Variants in CHP1 observed in about 807,000 individuals in gnomAD.
CHP1 encodes calcineurin like EF-hand protein 1.
Under a neutral mutation model 27.4 loss-of-function variants are expected in CHP1, and 11 were observed. The ratio of observed to expected loss-of-function variants is 0.40; its 90% confidence interval spans 0.25 to 0.67. CHP1 has a LOEUF of 0.67. Ranked by LOEUF, CHP1 falls within the 30% of genes least tolerant of loss-of-function variation. The probability of loss-of-function intolerance (pLI) is 0.38; values close to 1 mark genes in which losing one functional copy is unlikely to be tolerated. For synonymous variants in CHP1, 89 were observed against 87.4 expected (o/e 1.02, Z -0.10); for missense variants, 169 against 251.3 (o/e 0.67, Z 2.22).
intron 4 of CHP1, among the ~76,000 whole-genome samples, chr15:41,269,944 T>G (rs573427968): frequency 3.3e-5 from 5 of 152,274 alleles, no homozygotes; most frequent in African/African-American, 1.2e-4. Flanking sequence ...GCTTTCTGAT[T>G]CCTATCTCAT....
intron 4 of CHP1, among the ~76,000 whole-genome samples, chr15:41,270,287 C>A (rs900502536): frequency 6.6e-6 from 1 of 151,820 alleles, no homozygotes; most frequent in African/African-American, 2.4e-5. Flanking sequence ...GTTTAACATT[C>A]TAGGTTAAGA....
intron 2 of CHP1, among the ~76,000 whole-genome samples, chr15:41,248,664 G>C (rs1163292164): frequency 2.6e-5 from 4 of 152,144 alleles, no homozygotes; most frequent in Non-Finnish European, 5.9e-5. Context: ...TGTAATCCCA[G>C]CACTTTGGGA....
intron 5 of CHP1, among the ~76,000 whole-genome samples, chr15:41,276,684 T>C (rs568065376): frequency 6.6e-6 from 1 of 152,324 alleles, no homozygotes; most frequent in African/African-American, 2.4e-5. Context: ...CATTTAACTC[T>C]TCAAGGATTT....
At chr15:41,256,851 TAAG>T in intron 2 of CHP1, 56 bp from the exon 3 acceptor site, 2 of 1,403,252 alleles carry the variant, frequency 1.4e-6, no homozygotes, top group Non-Finnish European at 2.0e-6. Context: ...CCTCCTGACT[TAAG>T]GAGTTCATGC....
intron 6 of CHP1, 61 bp from the exon 7 acceptor site, chr15:41,279,275 A>G: frequency 1.5e-6 from 2 of 1,319,958 alleles, no homozygotes; most frequent in Non-Finnish European, 2.2e-6. Context: ...TACTCAGATA[A>G]GAGCTTGGGA....
chr15:41,244,059 G>A (rs1255915702), intron 2 of CHP1, among the ~76,000 whole-genome samples: 1 of 152,014 alleles, frequency 6.6e-6, no homozygotes, highest in African/African-American at 2.4e-5. Flanking sequence ...TTAGCTCAGT[G>A]TGGTGGTAGG....
rs562539144 is a variant in CHP1 at position 41,231,314 on chromosome 15, C to T, written c.-69C>T. 2.6e-5 allele frequency: 38 copies of T among 1,449,294 alleles called. No individual in the cohort carries two copies. In the East Asian group the frequency reaches 7.6e-4, roughly 29 times the overall value. 89.8% of individuals were successfully genotyped at this position (1,449,294 alleles called of 1,614,324 possible). On this transcript the variant is annotated 5_prime_UTR_variant, in exon 1 of 7. Transcript: ENST00000334660. ...CTTCTTGACCCCTAGCCCTTCCTTC[C>T]CTCCCTCCTTCCCTCCTGTCGCCGT...
rs2047537468 is a variant in CHP1 at position 41,279,961 on chromosome 15, G to A, written c.*572G>A. The A allele has an allele frequency of 6.6e-6, 1 of 152,302 alleles. No homozygotes were observed. Among genetic ancestry groups the A allele is most frequent in the African/African-American group, 2.4e-5 (1 of 41,420 alleles). 9.4% of individuals were successfully genotyped at this position (152,302 alleles called of 1,614,324 possible). ...TCTGACTTGGCAGGATAGTTCAGGG[G>A]TCTGGCAGTTTTTATTTACCTTCAT... On this transcript the variant is annotated 3_prime_UTR_variant, in exon 7 of 7. Transcript: ENST00000334660.
At chr15:41,234,148 C>G (rs553611070) in intron 1 of CHP1, 8 of 152,168 alleles carry the variant, frequency 5.3e-5, no homozygotes, top group African/African-American at 1.9e-4. Flanking sequence ...GAGATGGAGT[C>G]TTGTTATTTT....
In CHP1 at chr15:41,279,594, T is replaced by G; in HGVS notation, c.*205T>G. ...TACAGAATGGTACACCCTATATATT[T>G]CTGTTCAGTATCCATTCACTAGTTC... On this transcript the variant is annotated 3_prime_UTR_variant, in exon 7 of 7. Transcript: ENST00000334660. The G allele has an allele frequency of 1.9e-6, 1 of 532,282 alleles. No homozygotes were observed. Among genetic ancestry groups the G allele is most frequent in the Middle Eastern group, 4.9e-4 (1 of 2,022 alleles). 33.0% of individuals were successfully genotyped at this position (532,282 alleles called of 1,614,324 possible).
At chr15:41,237,544 A>C (rs117588488) in intron 1 of CHP1, among the ~76,000 whole-genome samples, 2 of 152,194 alleles carry the variant, frequency 1.3e-5, no homozygotes, top group East Asian at 3.8e-4. Flanking sequence ...TCCCTAAGAG[A>C]CTAGTCCAGG....
rs992536098 is a variant in CHP1 at position 41,281,385 on chromosome 15, T to C, written c.*1996T>C. On this transcript the variant is annotated 3_prime_UTR_variant, in exon 7 of 7. Transcript: ENST00000334660. ...GATCTTTGAGCGAGCCACAGCAACTTTTCTGCCAAGTCAGCTTAGTTTAGA... is the reference window on the plus strand; with the variant it reads ...GATCTTTGAGCGAGCCACAGCAACTCTTCTGCCAAGTCAGCTTAGTTTAGA... The C allele has an allele frequency of 2.0e-5, 3 of 152,660 alleles. No individual in the cohort carries two copies. Among genetic ancestry groups the C allele is most frequent in the Non-Finnish European group, 2.9e-5 (2 of 68,058 alleles). The allele number at this position is 152,660 out of a possible 1,614,324, so 9.5% of individuals were successfully genotyped here. A position where few individuals can be genotyped will look rare whatever the true frequency, so the allele number is the denominator to read the frequency against.
In CHP1 at chr15:41,231,270, T is replaced by C. The variant is rs1197968116; in HGVS notation, c.-113T>C. The stretch of plus-strand genomic sequence containing the variant: ...CCTGGGTTCCCTCCCGGGTCCGCAG[T>C]GGAAACACTGCCCTCTCCCTTCTTG... On this transcript the variant is annotated 5_prime_UTR_variant, in exon 1 of 7. Transcript: ENST00000334660. 5 of 1,098,550 alleles carry C rather than the reference T, an allele frequency of 4.6e-6. No individual in the cohort carries two copies. The African/African-American group carries it at 7.8e-5, about 17-fold the overall frequency. The allele number at this position is 1,098,550 out of a possible 1,614,324, so 68.1% of individuals were successfully genotyped here.
intron 3 of CHP1, among the ~76,000 whole-genome samples, chr15:41,259,726 C>T (rs961280063): frequency 4.6e-5 from 7 of 152,104 alleles, no homozygotes; most frequent in African/African-American, 1.2e-4. Context: ...ATAGATACAT[C>T]GAAGAACTAA....
At chr15:41,261,625 G>A (rs890488192) in intron 3 of CHP1, among the ~76,000 whole-genome samples, 24 of 151,662 alleles carry the variant, frequency 1.6e-4, no homozygotes, top group Admixed American at 7.2e-4. Context: ...TTGGGAGGCC[G>A]AGGTGGGCAG....
intron 4 of CHP1, among the ~76,000 whole-genome samples, chr15:41,265,841 G>A (rs2047457484): frequency 6.6e-6 from 1 of 152,150 alleles, no homozygotes; most frequent in Non-Finnish European, 1.5e-5. Flanking sequence ...TCTAAGCCAC[G>A]GTGAGAGAAT....
chr15:41,260,492 T>C (rs1322420341), intron 3 of CHP1, among the ~76,000 whole-genome samples: 1 of 151,020 alleles, frequency 6.6e-6, no homozygotes, highest in Non-Finnish European at 1.5e-5. Flanking sequence ...TCTTTGGGGT[T>C]CAAGTGATTC....
At position 41,257,057 on chromosome 15, in the gene CHP1, G is replaced by A; in HGVS notation, c.221+67G>A. The A allele has an allele frequency of 2.5e-6, 3 of 1,212,766 alleles. No homozygotes were observed. In the South Asian group the frequency reaches 3.9e-5, roughly 16 times the overall value. 75.1% of individuals were successfully genotyped at this position (1,212,766 alleles called of 1,614,324 possible). ...ACAACCTAAATTATTTGCTAATCTG[G>A]AATAATGATATTGGTTGTGCCATCT... On this transcript the variant is annotated intron_variant, in intron 3 of 6. Coordinates refer to ENST00000334660, the MANE Select transcript of CHP1 (RefSeq NM_007236.5).
intron 3 of CHP1, among the ~76,000 whole-genome samples, chr15:41,260,156 A>T (rs906954769): frequency 4.6e-5 from 7 of 151,406 alleles, no homozygotes; most frequent in Non-Finnish European, 1.0e-4. Flanking sequence ...TCGGTGGGGC[A>T]CAGAAAGGCT....
Sources: gnomAD v4.1 joint callset for allele counts (sites outside exome capture counted in the v4.1 genomes callset) on GRCh38, gnomAD v4.1.1 for gene constraint, MANE v1.5 for transcripts, NCBI Gene and HGNC (gene_info 2026-07-23, HGNC 2026-07-21) for gene names.